The following DAB1 variants were observed in gnomAD, a reference collection of about 807,000 sequenced individuals.
DAB1 encodes DAB adaptor protein 1.
A neutral mutation model predicts 64.6 loss-of-function variants in DAB1; 15 were observed. The observed-to-expected ratio is 0.23, with a 90% CI of 0.16 to 0.36. The LOEUF (loss-of-function observed/expected upper bound fraction) is 0.36, where lower values mean the gene tolerates loss of function less well. Among genes scored for constraint, DAB1 ranks in the 10% least tolerant of loss-of-function variants. The pLI is 1.00. For synonymous variants in DAB1, 235 were observed against 251.9 expected (o/e 0.93, Z 0.64); for missense variants, 596 against 706.7 (o/e 0.84, Z 1.78).
At chr1:58,267,490 C>A (rs1430216004) in intron 4 of DAB1, among the ~76,000 whole-genome samples, 1 of 152,138 alleles carries the variant, frequency 6.6e-6, no homozygotes, top group Non-Finnish European at 1.5e-5. Flanking sequence ...AAGACAGCAT[C>A]TTTCAAAAAA....
chr1:57,756,851 C>T (rs1398418319), intron 6 of DAB1, among the ~76,000 whole-genome samples: 1 of 151,984 alleles, frequency 6.6e-6, no homozygotes, highest in African/African-American at 2.4e-5. Flanking sequence ...TGTACCCCCA[C>T]TTTCCCTACC....
At chr1:58,219,065 C>T (rs1022480291) in intron 4 of DAB1, among the ~76,000 whole-genome samples, 36 of 145,616 alleles carry the variant, frequency 2.5e-4, no homozygotes, top group Admixed American at 2.8e-4. Context: ...AATACAGATA[C>T]ATTTTTTCTT....
At chr1:57,098,016 A>G (rs745521266) in intron 4 of DAB1, among the ~76,000 whole-genome samples, 11 of 152,066 alleles carry the variant, frequency 7.2e-5, no homozygotes, top group Admixed American at 2.0e-4. Context: ...TGACCTTGTG[A>G]TCTGCCCGCC....
chr1:58,412,298 T>C (rs1644679314), intron 3 of DAB1, among the ~76,000 whole-genome samples: 2 of 148,636 alleles, frequency 1.3e-5, no homozygotes, highest in Non-Finnish European at 3.0e-5. Flanking sequence ...AGCTCCTGGA[T>C]GGAGGCCTGC....
intron 2 of DAB1, among the ~76,000 whole-genome samples, chr1:57,286,010 A>T (rs924058097): frequency 2.0e-5 from 3 of 152,232 alleles, no homozygotes; most frequent in African/African-American, 4.8e-5. Context: ...GCACCATTTG[A>T]CAAGCTGTAT....
chr1:57,030,607 C>A (rs1339284705), intron 9 of DAB1, among the ~76,000 whole-genome samples: 2 of 152,180 alleles, frequency 1.3e-5, no homozygotes, highest in African/African-American at 4.8e-5. Flanking sequence ...AATTTCATAC[C>A]TTTCCCAGCC....
intron 4 of DAB1, among the ~76,000 whole-genome samples, chr1:57,121,438 G>T (rs1053647603): frequency 7.2e-5 from 11 of 151,914 alleles, no homozygotes; most frequent in Admixed American, 1.3e-4. Context: ...TGGGGGAAGG[G>T]ATTCCAAATG....
chr1:57,169,029 C>G (rs1327817604), intron 2 of DAB1, among the ~76,000 whole-genome samples: 1 of 152,136 alleles, frequency 6.6e-6, no homozygotes. Flanking sequence ...GCACTCCAGC[C>G]TGGGCAACAG....
intron 5 of DAB1, among the ~76,000 whole-genome samples, chr1:57,909,868 CG>C (rs1210070319): frequency 6.6e-6 from 1 of 152,134 alleles, no homozygotes; most frequent in Non-Finnish European, 1.5e-5. Flanking sequence ...ACTGAAGGTC[CG>C]GGTCATTTCA....
intron 4 of DAB1, among the ~76,000 whole-genome samples, chr1:58,278,046 T>C (rs1489801577): frequency 6.6e-6 from 1 of 152,212 alleles, no homozygotes; most frequent in South Asian, 2.1e-4. Flanking sequence ...CTCCTATTCA[T>C]ATTTGAAAGC....
intron 1 of DAB1, among the ~76,000 whole-genome samples, chr1:57,413,577 T>C (rs1483345370): frequency 6.6e-6 from 1 of 151,526 alleles, no homozygotes; most frequent in African/African-American, 2.4e-5. Flanking sequence ...CCATCTCTAC[T>C]AAAAATACAA....
intron 7 of DAB1, among the ~76,000 whole-genome samples, chr1:57,578,519 C>T (rs527708558): frequency 5.3e-5 from 8 of 152,346 alleles, no homozygotes; most frequent in Admixed American, 1.3e-4. Flanking sequence ...AGAGGGCACA[C>T]GCCTGGCCTC....
intron 1 of DAB1, among the ~76,000 whole-genome samples, chr1:57,405,479 G>A (rs1463085949): frequency 6.6e-6 from 1 of 152,204 alleles, no homozygotes; most frequent in Non-Finnish European, 1.5e-5. Context: ...GAATTCACCA[G>A]TGGTGGTTCA....
intron 6 of DAB1, among the ~76,000 whole-genome samples, chr1:57,676,649 T>G (rs1339626624): frequency 6.6e-6 from 1 of 152,184 alleles, no homozygotes; most frequent in Non-Finnish European, 1.5e-5. Flanking sequence ...CTTGGCATCC[T>G]TGACTGTTAA....
intron 3 of DAB1, among the ~76,000 whole-genome samples, chr1:58,389,208 G>A (rs1644457410): frequency 6.6e-6 from 1 of 152,256 alleles, no homozygotes; most frequent in South Asian, 2.1e-4. Context: ...GAGGCCGAGT[G>A]GGGAGGACTG....
chr1:57,289,788 G>A, intron 2 of DAB1, among the ~76,000 whole-genome samples: 1 of 152,140 alleles, frequency 6.6e-6, no homozygotes, highest in East Asian at 1.9e-4. Flanking sequence ...AGAGAGCTCT[G>A]TCAATCCTCT....
At chr1:57,621,337 T>A (rs1645856931) in intron 7 of DAB1, among the ~76,000 whole-genome samples, 1 of 151,384 alleles carries the variant, frequency 6.6e-6, no homozygotes, top group African/African-American at 2.4e-5. Flanking sequence ...AAGGCCTTCC[T>A]TTTACTCAGT....
chr1:57,823,320 C>A (rs1273968707), downstream of DAB1, among the ~76,000 whole-genome samples: 1 of 151,758 alleles, frequency 6.6e-6, no homozygotes, highest in African/African-American at 2.4e-5. Flanking sequence ...GAATAAAAAC[C>A]ATATTTTAAT....
intron 5 of DAB1, among the ~76,000 whole-genome samples, chr1:57,980,120 A>C (rs1162886575): frequency 6.6e-6 from 1 of 152,096 alleles, no homozygotes; most frequent in Admixed American, 6.6e-5. Flanking sequence ...TCCATAAATC[A>C]AGTTCAAACT....
Sources: gnomAD v4.1 joint callset for allele counts (sites outside exome capture counted in the v4.1 genomes callset) on GRCh38, gnomAD v4.1.1 for gene constraint, MANE v1.5 for transcripts, NCBI Gene and HGNC (gene_info 2026-07-23, HGNC 2026-07-21) for gene names.